BST1: variants seen among roughly 807,000 people sequenced by gnomAD.
The protein encoded by BST1 is bone marrow stromal cell antigen 1.
In BST1, 49 loss-of-function variants were observed where a neutral mutation model predicts 40.6. The ratio of observed to expected loss-of-function variants is 1.21; its 90% CI spans 0.96 to 1.53. The LOEUF is 1.53. Among genes scored for constraint, BST1 ranks in the 40% most tolerant of loss-of-function variants. The pLI, the probability that BST1 is intolerant of heterozygous loss-of-function variation, is 0.00. For synonymous variants in BST1, 157 were observed against 159.3 expected (o/e 0.99, Z 0.11); for missense variants, 423 against 395.9 (o/e 1.07, Z -0.58).
the BST1 span, among the ~76,000 whole-genome samples, chr4:15,760,711 G>A: frequency 6.7e-5 from 10 of 149,860 alleles, no homozygotes; most frequent in Non-Finnish European, 1.3e-4. Flanking sequence ...TTTATTTTTC[G>A]AGATAAGGTC....
chr4:15,744,992 G>A, the BST1 span, among the ~76,000 whole-genome samples: 2 of 152,042 alleles, frequency 1.3e-5, no homozygotes, highest in Non-Finnish European at 2.9e-5. Context: ...TATAAAACAT[G>A]TTTAGCATTT....
chr4:15,747,313 G>A, the BST1 span, among the ~76,000 whole-genome samples: 4 of 152,122 alleles, frequency 2.6e-5, no homozygotes, highest in African/African-American at 9.7e-5. Flanking sequence ...TGCCTGTCAG[G>A]CCCCTGTTTG....
In BST1 at chr4:15,715,339, A is replaced by G. The variant is rs373418430; in HGVS notation, c.589A>G (p.Thr197Ala). Residue 197 changes from threonine (T) to alanine (A), a missense_variant, in exon 5 of 9, where the codon ACA becomes GCA. Thr to Ala is a moderately conservative substitution (Grantham distance 58). Transcript: ENST00000265016. ...IHVMLNGSEP[T>A]GAYPIKGFFA... ...CGTCATGCTGAATGGTTCAGAGCCA[A>G]CAGGAGCCTATCCCATCAAAGGGTA... 7.4e-6 allele frequency: 12 copies of G among 1,614,070 alleles called. No individual in the cohort carries two copies. The African/African-American group carries it at 1.3e-4, about 18-fold the overall frequency.
downstream of BST1, among the ~76,000 whole-genome samples, chr4:15,740,089 T>C (rs1721707862): frequency 6.6e-6 from 1 of 152,188 alleles, no homozygotes; most frequent in Admixed American, 6.5e-5. Context: ...AATCTCGTTC[T>C]GTCACCGAGG....
downstream of BST1, chr4:15,736,061 G>A (rs1005582885): frequency 2.3e-6 from 3 of 1,287,792 alleles, no homozygotes; most frequent in African/African-American, 4.6e-5. Flanking sequence ...AGACCCAAGA[G>A]GCTATGTGGG....
intron 4 of BST1, 144 bp from the exon 5 acceptor site, chr4:15,715,141 T>C (rs1297026779): frequency 5.8e-6 from 4 of 692,038 alleles, no homozygotes; most frequent in African/African-American, 5.4e-5. Context: ...ATAAACCAGT[T>C]TGCATTTCTA....
the BST1 span, among the ~76,000 whole-genome samples, chr4:15,757,304 T>A: frequency 6.6e-6 from 1 of 152,212 alleles, no homozygotes; most frequent in Non-Finnish European, 1.5e-5. Context: ...CTTGCTAATC[T>A]GTTGTGTGCT....
chr4:15,753,164 A>T, the BST1 span, among the ~76,000 whole-genome samples: 5 of 152,188 alleles, frequency 3.3e-5, no homozygotes, highest in African/African-American at 1.2e-4. Context: ...CTCCATCTTC[A>T]TCTCTCTGAT....
chr4:15,740,250 G>T (rs761088758), downstream of BST1, among the ~76,000 whole-genome samples: 11 of 152,158 alleles, frequency 7.2e-5, no homozygotes, highest in Non-Finnish European at 1.5e-4. Flanking sequence ...TAGAGACGGG[G>T]TTTTGCCATG....
At chr4:15,712,301 G>A (rs1720259632) in intron 4 of BST1, among the ~76,000 whole-genome samples, 1 of 152,160 alleles carries the variant, frequency 6.6e-6, no homozygotes, top group East Asian at 1.9e-4. Context: ...ATATTAATGG[G>A]AGAGGAACTG....
the BST1 span, among the ~76,000 whole-genome samples, chr4:15,757,091 A>G: frequency 6.6e-6 from 1 of 152,206 alleles, no homozygotes; most frequent in African/African-American, 2.4e-5. Flanking sequence ...TATTTGCATA[A>G]CAAGACAAAC....
chr4:15,757,089 T>A, the BST1 span, among the ~76,000 whole-genome samples: 1 of 152,220 alleles, frequency 6.6e-6, no homozygotes, highest in Non-Finnish European at 1.5e-5. Context: ...TTTATTTGCA[T>A]AACAAGACAA....
the BST1 span, among the ~76,000 whole-genome samples, chr4:15,753,339 GATAAA>G: frequency 6.6e-6 from 1 of 152,180 alleles, no homozygotes; most frequent in Admixed American, 6.5e-5. Context: ...GATTTTTTCA[GATAAA>G]GGCGGTCTGG....
chr4:15,740,118 G>T (rs1264196471), downstream of BST1, among the ~76,000 whole-genome samples: 1 of 152,108 alleles, frequency 6.6e-6, no homozygotes. Context: ...CAGTGGCACC[G>T]TCTCGTCTCA....
At chr4:15,727,569 C>A (rs549690007) in intron 8 of BST1, among the ~76,000 whole-genome samples, 4 of 152,324 alleles carry the variant, frequency 2.6e-5, no homozygotes, top group African/African-American at 9.6e-5. Flanking sequence ...AACAAGGTGT[C>A]ATTTTCACCT....
the BST1 span, among the ~76,000 whole-genome samples, chr4:15,772,136 G>A: frequency 6.6e-6 from 1 of 152,054 alleles, no homozygotes; most frequent in Non-Finnish European, 1.5e-5. Context: ...TATTCCACGT[G>A]TGTTTATCAT....
At chr4:15,754,460 T>A in the BST1 span, among the ~76,000 whole-genome samples, 21 of 152,212 alleles carry the variant, frequency 1.4e-4, no homozygotes, top group African/African-American at 4.3e-4. Flanking sequence ...GTTTCTTACC[T>A]TCTGTGAGCT....
the BST1 span, among the ~76,000 whole-genome samples, chr4:15,772,007 G>GTCTCTCTCTCTC: frequency 5.2e-3 from 769 of 148,856 alleles, 7 homozygotes; most frequent in African/African-American, 0.017. Context: ...AACAATGAAG[G>GTCTCTCTCTCTC]TCTCTCTCTC....
At chr4:15,726,726 CTTG>C (rs1410540495) in intron 8 of BST1, among the ~76,000 whole-genome samples, 1 of 152,106 alleles carries the variant, frequency 6.6e-6, no homozygotes, top group Non-Finnish European at 1.5e-5. Context: ...TGTAAAATTC[CTTG>C]TTGTAAAACC....
Sources: allele counts gnomAD v4.1 joint callset (sites outside exome capture counted in the v4.1 genomes callset), GRCh38; gene constraint gnomAD v4.1.1; transcripts MANE v1.5; gene names NCBI Gene and HGNC (gene_info 2026-07-23, HGNC 2026-07-21).